The following DEPTOR variants were observed in gnomAD, a reference collection of about 807,000 sequenced individuals.
DEPTOR encodes the protein DEP domain containing MTOR interacting protein.
A neutral mutation model predicts 41.6 loss-of-function variants in DEPTOR; 41 were observed. The observed-to-expected ratio is 0.98, with a 90% CI of 0.77 to 1.28. DEPTOR has a LOEUF of 1.28. Ranked by LOEUF, DEPTOR falls within the 50% of genes most tolerant of loss-of-function variation. The pLI, the probability that DEPTOR is intolerant of heterozygous loss-of-function variation, is 0.00. For missense variants in DEPTOR, 514 were observed against 527.9 expected (o/e 0.97, Z 0.26); for synonymous variants, 195 against 192.3 (o/e 1.01, Z -0.12).
chr8:119,994,875 C>T (rs962802281), intron 4 of DEPTOR, among the ~76,000 whole-genome samples: 1 of 146,528 alleles, frequency 6.8e-6, no homozygotes, highest in Non-Finnish European at 1.5e-5. Context: ...CGAGCTTGCA[C>T]CAATGCACTC....
At chr8:120,044,999 G>C (rs1037278910) in intron 8 of DEPTOR, among the ~76,000 whole-genome samples, 11 of 152,300 alleles carry the variant, frequency 7.2e-5, no homozygotes, top group African/African-American at 2.6e-4. Context: ...TCTTATTTAA[G>C]TTCTCCACAC....
intron 1 of DEPTOR, among the ~76,000 whole-genome samples, chr8:119,879,624 T>C (rs1827273172): frequency 6.6e-6 from 1 of 152,054 alleles, no homozygotes; most frequent in Non-Finnish European, 1.5e-5. Flanking sequence ...GGCACAAGAA[T>C]AGCTTGAACC....
chr8:120,032,601 G>T (rs1377255496), intron 8 of DEPTOR, among the ~76,000 whole-genome samples: 1 of 152,184 alleles, frequency 6.6e-6, no homozygotes, highest in Non-Finnish European at 1.5e-5. Context: ...TTGTTGGCTG[G>T]TGGGGGCCTT....
At chr8:119,946,925 C>T (rs923359769) in intron 3 of DEPTOR, among the ~76,000 whole-genome samples, 3 of 152,130 alleles carry the variant, frequency 2.0e-5, no homozygotes, top group Non-Finnish European at 4.4e-5. Flanking sequence ...TCTCCAGATG[C>T]CTGGAATTTG....
chr8:119,924,817 G>A (rs572641663), intron 1 of DEPTOR, among the ~76,000 whole-genome samples: 24 of 152,142 alleles, frequency 1.6e-4, no homozygotes, highest in African/African-American at 4.1e-4. Context: ...GGGGTTTGGC[G>A]TACAGATTAT....
At position 120,049,622 on chromosome 8, in the gene DEPTOR, TAGACTACCGG is replaced by T; in HGVS notation, c.1150_1159del (p.Asp384ProfsTer2). 6.2e-7 allele frequency: 1 copy of T among 1,614,046 alleles called. No homozygotes were observed. Among genetic ancestry groups the T allele is most frequent in the South Asian group, 1.1e-5 (1 of 91,068 alleles). On this transcript the variant is annotated frameshift_variant, in exon 9 of 9. Transcript: ENST00000286234. LOFTEE classifies it high-confidence loss of function. ...GTCAACGGGCTCAATGTCCTGCATG[TAGACTACCGG>T]ACCGTGAGCAATCTGATTCTGACGG...
intron 4 of DEPTOR, among the ~76,000 whole-genome samples, chr8:119,986,796 T>C (rs1362640560): frequency 6.6e-6 from 1 of 151,828 alleles, no homozygotes; most frequent in Non-Finnish European, 1.5e-5. Flanking sequence ...ATCTCTGATA[T>C]CCTTTCTTCT....
At chr8:120,030,681 T>C (rs1381330798) in intron 8 of DEPTOR, among the ~76,000 whole-genome samples, 1 of 151,632 alleles carries the variant, frequency 6.6e-6, no homozygotes, top group African/African-American at 2.4e-5. Flanking sequence ...ATTTTTGTAT[T>C]TTTAGTAGAG....
chr8:119,881,509 G>A (rs1244267500), intron 1 of DEPTOR, among the ~76,000 whole-genome samples: 1 of 151,094 alleles, frequency 6.6e-6, no homozygotes, highest in African/African-American at 2.4e-5. Flanking sequence ...GGGAGACACA[G>A]TGAGACTCTG....
At chr8:119,885,588 A>G (rs116749883) in intron 1 of DEPTOR, among the ~76,000 whole-genome samples, 2,826 of 152,318 alleles carry the variant, frequency 0.019, 85 homozygotes, top group African/African-American at 0.063. Flanking sequence ...TGACGCCATG[A>G]TAAGGAACAT....
rs375333349 is a variant in DEPTOR at position 120,022,361 on chromosome 8, AC to A, written c.1101+13229del. 3.4e-3 allele frequency among the ~76,000 whole-genome samples: 524 copies of A among 152,254 alleles called. 1 individual carries two copies. Among genetic ancestry groups the A allele is most frequent in the African/African-American group, 0.012 (483 of 41,544 alleles). On this transcript the variant is annotated intron_variant, in intron 8 of 8. Coordinates refer to ENST00000286234, the MANE Select transcript of DEPTOR (RefSeq NM_022783.4). ...TTGACACTAAACATTTTTATTCACA[AC>A]AGTAGGAAAAGTTCTCTTTTCCAAA...
chr8:119,968,042 G>A (rs1410530475), intron 4 of DEPTOR, among the ~76,000 whole-genome samples: 2 of 152,182 alleles, frequency 1.3e-5, no homozygotes, highest in Non-Finnish European at 2.9e-5. Context: ...TAAGTTCACT[G>A]AGGAAAGGAA....
intron 1 of DEPTOR, among the ~76,000 whole-genome samples, chr8:119,886,321 C>T (rs948873704): frequency 6.6e-6 from 1 of 152,138 alleles, no homozygotes; most frequent in Non-Finnish European, 1.5e-5. Flanking sequence ...CCATTCAGGA[C>T]TCCAATCACA....
At chr8:119,935,373 G>T (rs189828330) in intron 3 of DEPTOR, among the ~76,000 whole-genome samples, 54 of 152,280 alleles carry the variant, frequency 3.5e-4, no homozygotes, top group African/African-American at 1.3e-3. Context: ...GGTAGAAAGG[G>T]TTTTGAGTGC....
At chr8:120,025,407 C>T (rs2130151566) in intron 8 of DEPTOR, among the ~76,000 whole-genome samples, 1 of 152,014 alleles carries the variant, frequency 6.6e-6, no homozygotes, top group South Asian at 2.1e-4. Flanking sequence ...ATTCTAGTTA[C>T]AGCTTATGGT....
At chr8:119,886,755 G>A (rs746205600) in intron 1 of DEPTOR, among the ~76,000 whole-genome samples, 10 of 152,128 alleles carry the variant, frequency 6.6e-5, no homozygotes, top group African/African-American at 9.7e-5. Flanking sequence ...GTAAAACTAC[G>A]ATGCGGGAGG....
At chr8:120,031,282 C>T (rs937855038) in intron 8 of DEPTOR, among the ~76,000 whole-genome samples, 1 of 152,060 alleles carries the variant, frequency 6.6e-6, no homozygotes, top group Admixed American at 6.6e-5. Context: ...GCCTAGGCAA[C>T]ATGGTGAAAC....
At chr8:119,884,409 A>C (rs1827337330) in intron 1 of DEPTOR, among the ~76,000 whole-genome samples, 1 of 152,216 alleles carries the variant, frequency 6.6e-6, no homozygotes, top group African/African-American at 2.4e-5. Flanking sequence ...AAACATTGAA[A>C]TTCTGGAGGA....
At chr8:119,897,286 G>A (rs1042529797) in intron 1 of DEPTOR, among the ~76,000 whole-genome samples, 12 of 152,128 alleles carry the variant, frequency 7.9e-5, no homozygotes, top group Admixed American at 2.0e-4. Flanking sequence ...TGTAATCCCA[G>A]CACTTTGGGA....
Sources: allele counts gnomAD v4.1 joint callset (sites outside exome capture counted in the v4.1 genomes callset), GRCh38; gene constraint gnomAD v4.1.1; transcripts MANE v1.5; gene names NCBI Gene and HGNC (gene_info 2026-07-23, HGNC 2026-07-21).